Variants in RNGTT observed in about 807,000 individuals in gnomAD.
RNGTT encodes the protein mRNA-capping enzyme.
A neutral mutation model predicts 79.3 loss-of-function variants in RNGTT; 33 were observed. That is an observed-to-expected ratio of 0.42 (90% confidence interval 0.32 to 0.56). The LOEUF is 0.56. Ranked by LOEUF, RNGTT falls within the 20% of genes least tolerant of loss-of-function variation. RNGTT has a pLI of 0.17. For missense variants in RNGTT, 497 were observed against 739.1 expected (o/e 0.67, Z 3.80); for synonymous variants, 222 against 235.9 (o/e 0.94, Z 0.54).
chr6:88,938,891 T>C (rs889635009), intron 2 of RNGTT, among the ~76,000 whole-genome samples: 1 of 152,198 alleles, frequency 6.6e-6, no homozygotes, highest in East Asian at 1.9e-4. Context: ...CTTTGCTGGG[T>C]ATGGTATCCT....
chr6:88,679,222 T>A (rs932862394), intron 13 of RNGTT, among the ~76,000 whole-genome samples: 1 of 152,132 alleles, frequency 6.6e-6, no homozygotes, highest in African/African-American at 2.4e-5. Flanking sequence ...ATAAGGGGTA[T>A]AACAGAGAAA....
At chr6:88,708,100 G>A (rs1421641574) in intron 13 of RNGTT, among the ~76,000 whole-genome samples, 2 of 151,898 alleles carry the variant, frequency 1.3e-5, no homozygotes, top group Admixed American at 6.6e-5. Context: ...GATGCCATAT[G>A]AATACACTTT....
intron 11 of RNGTT, among the ~76,000 whole-genome samples, chr6:88,835,978 AC>A (rs1781056431): frequency 3.5e-5 from 2 of 57,748 alleles, no homozygotes; most frequent in Non-Finnish European, 7.5e-5. Context: ...TATTAAAAAC[AC>A]ACACACACAC....
At chr6:88,920,896 T>G (rs1784143449) in intron 4 of RNGTT, among the ~76,000 whole-genome samples, 1 of 152,226 alleles carries the variant, frequency 6.6e-6, no homozygotes, top group Non-Finnish European at 1.5e-5. Flanking sequence ...TATTTTGTTT[T>G]ATATTCCCGG....
chr6:88,798,994 C>T (rs1027128292), intron 12 of RNGTT, among the ~76,000 whole-genome samples: 6 of 152,172 alleles, frequency 3.9e-5, no homozygotes, highest in East Asian at 3.9e-4. Context: ...CAGAATTCAA[C>T]AGGATTGTTG....
intron 13 of RNGTT, among the ~76,000 whole-genome samples, chr6:88,742,759 A>G (rs1344621045): frequency 6.6e-6 from 1 of 152,228 alleles, no homozygotes; most frequent in African/African-American, 2.4e-5. Context: ...CATTCACTTA[A>G]AGTGTAAAGG....
intron 11 of RNGTT, among the ~76,000 whole-genome samples, chr6:88,815,128 A>G (rs1345621899): frequency 6.6e-6 from 1 of 152,210 alleles, no homozygotes; most frequent in Non-Finnish European, 1.5e-5. Context: ...TAAATGTATT[A>G]GCCTGAACTT....
intron 12 of RNGTT, among the ~76,000 whole-genome samples, chr6:88,776,395 C>A (rs1158975179): frequency 2.0e-5 from 3 of 151,574 alleles, no homozygotes; most frequent in Non-Finnish European, 4.4e-5. Context: ...TCTCAGCTCA[C>A]CGCAACCTCC....
rs573593298 is a variant in RNGTT, at chr6:88,880,130, C to T, written c.896+10365G>A. ...TCTTAAGCAGTCCTAATCCATGCAGCACCTAACACAGAGCCCTAGGGGTAA... is the reference window on the plus strand; with the variant it reads ...TCTTAAGCAGTCCTAATCCATGCAGTACCTAACACAGAGCCCTAGGGGTAA... On this transcript the variant is annotated intron_variant, in intron 8 of 15. Transcript: ENST00000369485. Among the ~76,000 whole-genome samples, 12 of 152,176 alleles carry T rather than the reference C, an allele frequency of 7.9e-5. No individual in the cohort carries two copies. The South Asian group carries it at 2.3e-3, about 29-fold the overall frequency.
intron 11 of RNGTT, among the ~76,000 whole-genome samples, chr6:88,824,843 A>G (rs565645282): frequency 1.3e-5 from 2 of 151,654 alleles, no homozygotes; most frequent in South Asian, 2.1e-4. Context: ...CCTGGGTCCA[A>G]GAGATTCTCC....
At chr6:88,853,283 G>A (rs1010244766) in intron 9 of RNGTT, among the ~76,000 whole-genome samples, 2 of 152,168 alleles carry the variant, frequency 1.3e-5, no homozygotes, top group Non-Finnish European at 2.9e-5. Flanking sequence ...TGAGGCGGGT[G>A]GATCACGAGG....
intron 4 of RNGTT, among the ~76,000 whole-genome samples, chr6:88,925,897 G>A (rs1158737165): frequency 6.6e-6 from 1 of 151,958 alleles, no homozygotes; most frequent in Non-Finnish European, 1.5e-5. Context: ...AAAAAAATCT[G>A]GATTCCTAAC....
chr6:88,801,672 A>T, intron 11 of RNGTT, 40 bp from the exon 12 acceptor site: 1 of 1,308,524 alleles, frequency 7.6e-7, no homozygotes, highest in Non-Finnish European at 1.1e-6. Context: ...AAAATATAAT[A>T]ATCACTTTAA....
chr6:88,647,715 A>AAAAAAAAAAAG (rs531898293), intron 14 of RNGTT, among the ~76,000 whole-genome samples: 1 of 142,444 alleles, frequency 7.0e-6, no homozygotes, highest in African/African-American at 3.0e-5. Context: ...AAAAAAAAAA[A>AAAAAAAAAAAG]AAGAAGAAGA....
At chr6:88,655,920 A>G (rs1773960575) in intron 14 of RNGTT, among the ~76,000 whole-genome samples, 1 of 152,198 alleles carries the variant, frequency 6.6e-6, no homozygotes, top group Non-Finnish European at 1.5e-5. Context: ...TGAAGCTTTC[A>G]TAATGAGAAA....
At chr6:88,949,161 A>AAAAAAAAAAAAAAAAG (rs1785150896) in intron 1 of RNGTT, among the ~76,000 whole-genome samples, 2 of 79,852 alleles carry the variant, frequency 2.5e-5, no homozygotes, top group East Asian at 1.2e-3. Context: ...AATAAAATGA[A>AAAAAAAAAAAAAAAAG]AAAAAAAAAA....
chr6:88,843,071 TCAAAACAAAA>T (rs144896836), intron 11 of RNGTT, among the ~76,000 whole-genome samples: 31 of 145,372 alleles, frequency 2.1e-4, no homozygotes, highest in East Asian at 8.2e-4. Flanking sequence ...AGACCCTGCC[TCAAAACAAAA>T]CAAAACAAAA....
At chr6:88,923,137 T>C (rs968229385) in intron 4 of RNGTT, among the ~76,000 whole-genome samples, 1 of 152,236 alleles carries the variant, frequency 6.6e-6, no homozygotes, top group East Asian at 1.9e-4. Flanking sequence ...TGTTTGGCTG[T>C]CCCACTTTTA....
intron 14 of RNGTT, among the ~76,000 whole-genome samples, chr6:88,646,828 C>T (rs1476859139): frequency 1.3e-5 from 2 of 151,820 alleles, no homozygotes; most frequent in Non-Finnish European, 2.9e-5. Flanking sequence ...GAACATCACA[C>T]ACCAGGGCCT....
Sources: gnomAD v4.1 joint callset for allele counts (sites outside exome capture counted in the v4.1 genomes callset) on GRCh38, gnomAD v4.1.1 for gene constraint, MANE v1.5 for transcripts, NCBI Gene and HGNC (gene_info 2026-07-23, HGNC 2026-07-21) for gene names.